Variants in IMMP2L observed in about 807,000 individuals in gnomAD.
IMMP2L encodes mitochondrial inner membrane protease subunit 2.
A neutral mutation model predicts 19.3 loss-of-function variants in IMMP2L; 18 were observed. The ratio of observed to expected loss-of-function variants is 0.93; its 90% CI spans 0.64 to 1.38. IMMP2L has a LOEUF of 1.38. Ranked by LOEUF, IMMP2L falls within the 40% of genes most tolerant of loss-of-function variation. The probability of loss-of-function intolerance (pLI) is 0.00; values close to 1 mark genes in which losing one functional copy is unlikely to be tolerated. For missense variants in IMMP2L, 233 were observed against 218.2 expected, an observed-to-expected ratio of 1.07 and a Z score of -0.43; for synonymous variants, 76 against 73.0, an observed-to-expected ratio of 1.04 and a Z score of -0.21.
intron 3 of IMMP2L, chr7:111,124,271 AC>A: frequency 6.2e-7 from 1 of 1,613,932 alleles, no homozygotes; most frequent in Non-Finnish European, 8.5e-7. Context: ...ATAGCAACTA[AC>A]CTAGTTGGCG....
intron 3 of IMMP2L, among the ~76,000 whole-genome samples, chr7:111,180,755 C>T (rs993031608): frequency 1.3e-5 from 2 of 151,936 alleles, no homozygotes; most frequent in Non-Finnish European, 2.9e-5. Context: ...TGCATTCACA[C>T]GTATATATTG....
At chr7:110,815,479 A>C (rs1802419493) in intron 5 of IMMP2L, among the ~76,000 whole-genome samples, 1 of 152,308 alleles carries the variant, frequency 6.6e-6, no homozygotes, top group African/African-American at 2.4e-5. Flanking sequence ...TGCTGGCCTC[A>C]TAAAATGAGT....
chr7:111,500,967 G>T (rs1469458206), intron 2 of IMMP2L, among the ~76,000 whole-genome samples: 15 of 152,308 alleles, frequency 9.8e-5, no homozygotes, highest in African/African-American at 3.6e-4. Context: ...AACAAAGCTG[G>T]ACGGAGAATG....
chr7:111,250,127 G>C (rs987833345), intron 3 of IMMP2L, among the ~76,000 whole-genome samples: 1 of 151,896 alleles, frequency 6.6e-6, no homozygotes, highest in East Asian at 1.9e-4. Flanking sequence ...AAAGCGGAGT[G>C]GTGAATTATG....
intron 5 of IMMP2L, among the ~76,000 whole-genome samples, chr7:110,712,163 G>A (rs991451942): frequency 7.4e-6 from 1 of 134,442 alleles, no homozygotes; most frequent in African/African-American, 2.6e-5. Context: ...GGTCTTTGAT[G>A]ATGGTGATGA....
chr7:111,129,846 AAT>A (rs1801681617), intron 3 of IMMP2L, among the ~76,000 whole-genome samples: 1 of 152,200 alleles, frequency 6.6e-6, no homozygotes, highest in Non-Finnish European at 1.5e-5. Context: ...AATCAGAGTT[AAT>A]ATTAACAGTC....
intron 3 of IMMP2L, among the ~76,000 whole-genome samples, chr7:111,254,352 TG>T (rs1026716371): frequency 6.6e-6 from 1 of 152,114 alleles, no homozygotes; most frequent in Admixed American, 6.6e-5. Flanking sequence ...TATGCAAATC[TG>T]CAAAGGGGAA....
At position 110,867,871 on chromosome 7, in the gene IMMP2L, T is replaced by C. The variant is rs142391366; in HGVS notation, c.408+18722A>G. ...TTGATTTCTGAAACGCCTGAATTCA[T>C]TATCCTCACATGGAGGTTTCTGATG... On this transcript the variant is annotated intron_variant, in intron 5 of 5. Transcript: ENST00000405709. Among the ~76,000 whole-genome samples, 888 of 152,146 alleles carry C rather than the reference T, an allele frequency of 5.8e-3. 6 individuals are homozygous for C. Among genetic ancestry groups the C allele is most frequent in the African/African-American group, 0.021 (857 of 41,534 alleles).
intron 3 of IMMP2L, among the ~76,000 whole-genome samples, chr7:111,465,501 T>TAAAAAAAAAAAAAAAAAAAA (rs757362734): frequency 1.6e-5 from 1 of 64,308 alleles, no homozygotes; most frequent in Non-Finnish European, 3.3e-5. Flanking sequence ...CAGGTGTCAC[T>TAAAAAAAAAAAAAAAAAAAA]AAAAAAAAAA....
intron 3 of IMMP2L, among the ~76,000 whole-genome samples, chr7:111,184,403 A>C (rs1808046018): frequency 6.6e-6 from 1 of 152,050 alleles, no homozygotes; most frequent in African/African-American, 2.4e-5. Flanking sequence ...TCCAAAGTAC[A>C]TATATATTGA....
chr7:111,077,462 T>G (rs1471629586), intron 3 of IMMP2L, among the ~76,000 whole-genome samples: 2 of 152,228 alleles, frequency 1.3e-5, no homozygotes, highest in Non-Finnish European at 2.9e-5. Flanking sequence ...AAGTCTGACT[T>G]AAATCCTCTT....
At chr7:111,094,021 CA>C (rs1446152625) in intron 3 of IMMP2L, among the ~76,000 whole-genome samples, 1 of 152,040 alleles carries the variant, frequency 6.6e-6, no homozygotes, top group African/African-American at 2.4e-5. Flanking sequence ...TAGTGACCTA[CA>C]AAAAAGGTGA....
intron 3 of IMMP2L, among the ~76,000 whole-genome samples, chr7:111,155,687 C>T (rs1015801705): frequency 1.3e-5 from 2 of 150,332 alleles, no homozygotes; most frequent in Admixed American, 6.7e-5. Context: ...TATATATATA[C>T]ACACACACAG....
At chr7:110,843,660 A>T (rs1481084399) in intron 5 of IMMP2L, among the ~76,000 whole-genome samples, 1 of 152,228 alleles carries the variant, frequency 6.6e-6, no homozygotes, top group African/African-American at 2.4e-5. Context: ...TAACACAGAT[A>T]AATGTAAATT....
intron 5 of IMMP2L, among the ~76,000 whole-genome samples, chr7:110,797,826 G>A (rs1285411162): frequency 2.0e-5 from 3 of 151,986 alleles, no homozygotes; most frequent in East Asian, 1.9e-4. Context: ...ATGAAGGATC[G>A]CAGTGCATGA....
At chr7:110,855,669 C>T (rs1806687146) in intron 5 of IMMP2L, among the ~76,000 whole-genome samples, 1 of 152,020 alleles carries the variant, frequency 6.6e-6, no homozygotes, top group Non-Finnish European at 1.5e-5. Flanking sequence ...ATGTGAATGA[C>T]ATTTTTATTT....
intron 3 of IMMP2L, among the ~76,000 whole-genome samples, chr7:111,263,118 G>C (rs530492691): frequency 6.6e-6 from 1 of 152,226 alleles, no homozygotes; most frequent in East Asian, 1.9e-4. Context: ...CTCTGAGAGA[G>C]GCGGGAAAAT....
chr7:111,392,159 C>G, intron 3 of IMMP2L: 1 of 603,726 alleles, frequency 1.7e-6, no homozygotes, highest in Non-Finnish European at 3.0e-6. Context: ...GCCCCAAAGT[C>G]ACATGGGCAA....
At chr7:111,392,958 T>C (rs1354248097) in intron 3 of IMMP2L, 1 of 405,830 alleles carries the variant, frequency 2.5e-6, no homozygotes, top group African/African-American at 2.1e-5. Flanking sequence ...ATTATAAAAG[T>C]CTCAGAACCC....
Sources: gnomAD v4.1 joint callset for allele counts (sites outside exome capture counted in the v4.1 genomes callset) on GRCh38, gnomAD v4.1.1 for gene constraint, MANE v1.5 for transcripts, NCBI Gene and HGNC (gene_info 2026-07-23, HGNC 2026-07-21) for gene names.